The following KCNN3 variants were observed in gnomAD, a reference collection of about 807,000 sequenced individuals.
KCNN3 encodes the protein potassium calcium-activated channel subfamily N member 3, also known as small conductance calcium-activated potassium channel protein 3.
A neutral mutation model predicts 62.9 loss-of-function variants in KCNN3; 16 were observed. The observed-to-expected ratio is 0.25, with a 90% CI of 0.17 to 0.39. The LOEUF (loss-of-function observed/expected upper bound fraction) is 0.39. Ranked by LOEUF, KCNN3 falls within the 10% of genes least tolerant of loss-of-function variation. The pLI, the probability that KCNN3 is intolerant of heterozygous loss-of-function variation, is 1.00. For synonymous variants in KCNN3, 370 were observed against 389.2 expected, an observed-to-expected ratio of 0.95 and a Z score of 0.58; for missense variants, 599 against 949.4, an observed-to-expected ratio of 0.63 and a Z score of 4.85.
intron 5 of KCNN3, 89 bp from the exon 6 acceptor site, chr1:154,715,092 A>G (rs1700204298): frequency 2.0e-6 from 3 of 1,492,326 alleles, no homozygotes; most frequent in South Asian, 1.1e-5. Context: ...CCTCATAAGG[A>G]AACGATTTTG....
chr1:154,784,644 A>G (rs895481980), intron 2 of KCNN3, among the ~76,000 whole-genome samples: 5 of 152,178 alleles, frequency 3.3e-5, no homozygotes, highest in African/African-American at 1.2e-4. Context: ...AAGGATGGCC[A>G]GACAGTTGGG....
At chr1:154,729,511 T>A (rs969225891) in intron 4 of KCNN3, among the ~76,000 whole-genome samples, 1 of 152,000 alleles carries the variant, frequency 6.6e-6, no homozygotes, top group Non-Finnish European at 1.5e-5. Context: ...CCACCTCTTG[T>A]TTTCAAGAAA....
intron 3 of KCNN3, among the ~76,000 whole-genome samples, chr1:154,742,542 T>C (rs1229960439): frequency 6.6e-6 from 1 of 152,062 alleles, no homozygotes; most frequent in Non-Finnish European, 1.5e-5. Flanking sequence ...GCCGGGCACA[T>C]AGGTGCACTA....
intron 2 of KCNN3, among the ~76,000 whole-genome samples, chr1:154,773,892 C>T (rs1648677965): frequency 6.6e-6 from 1 of 152,200 alleles, no homozygotes; most frequent in Admixed American, 6.5e-5. Context: ...TCCTTCTCCC[C>T]ACTCAGAGAA....
chr1:154,839,544 T>A (rs954473750), intron 1 of KCNN3, among the ~76,000 whole-genome samples: 1 of 152,158 alleles, frequency 6.6e-6, no homozygotes, highest in Non-Finnish European at 1.5e-5. Flanking sequence ...GAAAAGACAC[T>A]ACAGGCAATC....
intron 3 of KCNN3, among the ~76,000 whole-genome samples, chr1:154,762,538 T>A (rs1024437714): frequency 1.3e-5 from 2 of 152,250 alleles, no homozygotes; most frequent in African/African-American, 2.4e-5. Flanking sequence ...TTTCTAAGAC[T>A]GCTTTGTATA....
In KCNN3 at chr1:154,851,835, T is replaced by C. The variant is rs150443311; in HGVS notation, c.933+17197A>G. On this transcript the variant is annotated intron_variant, in intron 1 of 7. Coordinates refer to ENST00000271915, the MANE Select transcript of KCNN3 (RefSeq NM_002249.6). ...TGCAGTCAGAGTGGTCCCATTAAAA[T>C]GTAAGTCAGATCTTGTCACTTCTCT... Among the ~76,000 whole-genome samples the C allele has an allele frequency of 9.2e-5, 14 of 152,294 alleles. No homozygotes were observed. In the East Asian group the frequency reaches 2.5e-3, roughly 27 times the overall value.
chr1:154,843,318 A>C (rs1651912440), intron 1 of KCNN3, among the ~76,000 whole-genome samples: 3 of 151,862 alleles, frequency 2.0e-5, no homozygotes, highest in Non-Finnish European at 4.4e-5. Context: ...CTAGACAAAA[A>C]AGCCAGCTGC....
Position 154,702,031 on chromosome 1 carries a change from A to G in KCNN3, c.*5945T>C, listed in dbSNP as rs1260019757. 6.6e-6 allele frequency: 1 copy of G among 152,190 alleles called. No individual in the cohort carries two copies. Among genetic ancestry groups the G allele is most frequent in the Non-Finnish European group, 1.5e-5 (1 of 68,030 alleles). 9.4% of individuals were successfully genotyped at this position (152,190 alleles called of 1,614,324 possible). A position where few individuals can be genotyped will look rare whatever the true frequency, so the allele number is the denominator to read the frequency against. On this transcript the variant is annotated 3_prime_UTR_variant, in exon 8 of 8. Coordinates refer to ENST00000271915, the MANE Select transcript of KCNN3 (RefSeq NM_002249.6). ...ACTGGCTTTGCAGAGCTACTAAAGG[A>G]GTGATGGCTTTTAAAATCTCTTCTG...
At chr1:154,777,638 C>A (rs926982525) in intron 2 of KCNN3, among the ~76,000 whole-genome samples, 5 of 152,298 alleles carry the variant, frequency 3.3e-5, no homozygotes, top group South Asian at 2.1e-4. Flanking sequence ...AGCACTGGAC[C>A]AGAGGGGCTC....
At chr1:154,737,167 C>T in intron 3 of KCNN3, 2 of 458,942 alleles carry the variant, frequency 4.4e-6, no homozygotes, top group Non-Finnish European at 8.2e-6. Flanking sequence ...GTCACAAACT[C>T]ACATACTAAT....
intron 1 of KCNN3, among the ~76,000 whole-genome samples, chr1:154,854,927 G>T (rs781103561): frequency 7.9e-5 from 12 of 152,146 alleles, no homozygotes; most frequent in Non-Finnish European, 1.6e-4. Flanking sequence ...CTTATAAAGT[G>T]AAAAATTTGG....
At chr1:154,812,143 C>A (rs1335490403) in intron 2 of KCNN3, among the ~76,000 whole-genome samples, 1 of 152,116 alleles carries the variant, frequency 6.6e-6, no homozygotes, top group Non-Finnish European at 1.5e-5. Context: ...ACCGCTGCCA[C>A]GGGGGAAATG....
At chr1:154,847,719 T>C (rs1233822240) in intron 1 of KCNN3, among the ~76,000 whole-genome samples, 1 of 152,098 alleles carries the variant, frequency 6.6e-6, no homozygotes, top group Admixed American at 6.5e-5. Context: ...AGGTCTTGCC[T>C]CTCCCCACCC....
chr1:154,788,540 T>C (rs1159132546), intron 2 of KCNN3, among the ~76,000 whole-genome samples: 3 of 152,170 alleles, frequency 2.0e-5, no homozygotes, highest in Non-Finnish European at 4.4e-5. Context: ...GCATTCAGTG[T>C]AACAGACAAT....
chr1:154,774,632 C>T (rs1208138672), intron 2 of KCNN3, among the ~76,000 whole-genome samples: 1 of 152,236 alleles, frequency 6.6e-6, no homozygotes, highest in Non-Finnish European at 1.5e-5. Flanking sequence ...GTCCTTGGCC[C>T]TCCAGCAGAT....
chr1:154,865,947 C>T (rs766254431), intron 1 of KCNN3, among the ~76,000 whole-genome samples: 2 of 152,202 alleles, frequency 1.3e-5, no homozygotes, highest in Non-Finnish European at 2.9e-5. Flanking sequence ...GTCCATCCGC[C>T]TGCCTCCAGA....
chr1:154,839,290 C>A (rs1484793690), intron 1 of KCNN3, among the ~76,000 whole-genome samples: 1 of 152,194 alleles, frequency 6.6e-6, no homozygotes, highest in African/African-American at 2.4e-5. Context: ...CAAGGCTCTG[C>A]GTACCTACAC....
intron 3 of KCNN3, among the ~76,000 whole-genome samples, chr1:154,759,679 C>T (rs993665175): frequency 3.9e-5 from 6 of 152,148 alleles, no homozygotes; most frequent in Admixed American, 3.9e-4. Flanking sequence ...TCAGATAGTC[C>T]TCCCCAGTTA....
Sources: allele counts gnomAD v4.1 joint callset (sites outside exome capture counted in the v4.1 genomes callset), GRCh38; gene constraint gnomAD v4.1.1; transcripts MANE v1.5; gene names NCBI Gene and HGNC (gene_info 2026-07-23, HGNC 2026-07-21).